The following C10orf90 variants were observed in gnomAD, a reference collection of about 807,000 sequenced individuals.
C10orf90 encodes chromosome 10 open reading frame 90, also known as (E2-independent) E3 ubiquitin-conjugating enzyme FATS.
C10orf90 carries 56 observed loss-of-function variants against 62.5 expected under a neutral mutation model. The ratio of observed to expected loss-of-function variants is 0.90; its 90% CI spans 0.72 to 1.12. The LOEUF (loss-of-function observed/expected upper bound fraction) is 1.12. Among genes scored for constraint, C10orf90 ranks in the 50% most tolerant of loss-of-function variants. The pLI, the probability that C10orf90 is intolerant of heterozygous loss-of-function variation, is 0.00. For synonymous variants in C10orf90, 386 were observed against 340.4 expected (o/e 1.13, Z -1.47); for missense variants, 970 against 880.4 (o/e 1.10, Z -1.29).
At chr10:126,515,536 A>G (rs1863392549) in intron 2 of C10orf90, among the ~76,000 whole-genome samples, 4 of 152,202 alleles carry the variant, frequency 2.6e-5, no homozygotes, top group African/African-American at 9.6e-5. Flanking sequence ...TTTCTAGCCC[A>G]GGAACAATAT....
intron 2 of C10orf90, among the ~76,000 whole-genome samples, chr10:126,582,732 A>G (rs1844779919): frequency 1.3e-5 from 2 of 152,224 alleles, no homozygotes; most frequent in African/African-American, 4.8e-5. Flanking sequence ...TTTTCTAAAC[A>G]TCATAAAAAT....
rs1350048043 is a variant in C10orf90, at chr10:126,484,028, A to G, written c.1535-19042T>C. 2.0e-5 allele frequency among the ~76,000 whole-genome samples: 3 copies of G among 152,174 alleles called. No homozygotes were observed. In the East Asian group the frequency reaches 5.8e-4, roughly 30 times the overall value. On this transcript the variant is annotated intron_variant, in intron 4 of 9. Coordinates refer to ENST00000488181, the MANE Select transcript of C10orf90 (RefSeq NM_001350921.2). The stretch of plus-strand genomic sequence containing the variant: ...TATTCCATAAGCCTGACATTGACTC[A>G]TTTTGCAAATGTCATTGCTGGTAGA...
At chr10:126,535,724 C>T (rs1254940590) in intron 2 of C10orf90, among the ~76,000 whole-genome samples, 3 of 152,128 alleles carry the variant, frequency 2.0e-5, no homozygotes, top group African/African-American at 4.8e-5. Flanking sequence ...CAGGTGACAG[C>T]GAAGAGCTCT....
intron 2 of C10orf90, among the ~76,000 whole-genome samples, chr10:126,636,051 T>C (rs1233045586): frequency 2.0e-5 from 3 of 152,286 alleles, no homozygotes; most frequent in Non-Finnish European, 4.4e-5. Flanking sequence ...GGTCTCCTCA[T>C]GTACCCAAGG....
chr10:126,623,737 A>G (rs932956392), intron 2 of C10orf90, among the ~76,000 whole-genome samples: 1 of 151,210 alleles, frequency 6.6e-6, no homozygotes, highest in East Asian at 2.0e-4. Flanking sequence ...GCTACTCTGG[A>G]GGCTGAGGCA....
intron 7 of C10orf90, among the ~76,000 whole-genome samples, chr10:126,442,481 A>ATATATATATCTATATATATATC (rs1554886165): frequency 6.8e-5 from 4 of 59,164 alleles, no homozygotes; most frequent in African/African-American, 1.8e-4. Flanking sequence ...AATATTTCAT[A>ATATATATATCTATATATATATC]TATATATATA....
chr10:126,467,455 G>T (rs934127194), intron 4 of C10orf90, among the ~76,000 whole-genome samples: 2 of 152,188 alleles, frequency 1.3e-5, no homozygotes, highest in African/African-American at 4.8e-5. Flanking sequence ...TGGGCTGAGA[G>T]TTCTCAGTTC....
At chr10:126,502,003 C>CCACACACA (rs959327463) in intron 4 of C10orf90, among the ~76,000 whole-genome samples, 1 of 146,788 alleles carries the variant, frequency 6.8e-6, no homozygotes, top group Admixed American at 6.8e-5. Context: ...TACACACACA[C>CCACACACA]CACACACACA....
chr10:126,643,760 C>G (rs1195512492), intron 2 of C10orf90, among the ~76,000 whole-genome samples: 1 of 152,186 alleles, frequency 6.6e-6, no homozygotes, highest in Non-Finnish European at 1.5e-5. Flanking sequence ...CAGAGTTTGA[C>G]CTAAAACTCT....
intron 2 of C10orf90, chr10:126,523,482 T>TAA (rs56856994): frequency 0.89 from 135,247 of 152,126 alleles, 60,336 homozygotes; most frequent in African/African-American, 0.96. Context: ...ACTCACAGTC[T>TAA]TGAGGAGATG....
At chr10:126,470,549 G>T (rs780229444) in intron 4 of C10orf90, among the ~76,000 whole-genome samples, 2 of 151,092 alleles carry the variant, frequency 1.3e-5, no homozygotes, top group Non-Finnish European at 2.9e-5. Flanking sequence ...GGGCAATATA[G>T]TAAGACCCTA....
intron 2 of C10orf90, among the ~76,000 whole-genome samples, chr10:126,557,664 G>A (rs1473404706): frequency 6.6e-6 from 1 of 151,962 alleles, no homozygotes; most frequent in Non-Finnish European, 1.5e-5. Flanking sequence ...AAATAATACT[G>A]TACTGTTCAT....
chr10:126,616,979 A>G (rs1324321333), intron 2 of C10orf90, among the ~76,000 whole-genome samples: 2 of 152,164 alleles, frequency 1.3e-5, no homozygotes, highest in Non-Finnish European at 2.9e-5. Flanking sequence ...AGACAACGGG[A>G]GACAAAAATT....
chr10:126,570,130 TC>T (rs1844475817), intron 2 of C10orf90, among the ~76,000 whole-genome samples: 1 of 152,186 alleles, frequency 6.6e-6, no homozygotes, highest in Admixed American at 6.5e-5. Flanking sequence ...CTGATCGTAT[TC>T]TCCCACGTAA....
At chr10:126,596,032 T>A (rs1845077537) in intron 2 of C10orf90, among the ~76,000 whole-genome samples, 1 of 152,000 alleles carries the variant, frequency 6.6e-6, no homozygotes, top group Non-Finnish European at 1.5e-5. Flanking sequence ...GGAGAAAATC[T>A]TTGTACCTTG....
intron 7 of C10orf90, among the ~76,000 whole-genome samples, chr10:126,451,293 G>A (rs1314782588): frequency 6.6e-6 from 1 of 152,062 alleles, no homozygotes; most frequent in Non-Finnish European, 1.5e-5. Context: ...CCTCAAAAAT[G>A]CAAAAATAGA....
chr10:126,514,897 T>C (rs4962564), intron 2 of C10orf90, among the ~76,000 whole-genome samples: 135,241 of 152,176 alleles, frequency 0.89, 60,280 homozygotes, highest in African/African-American at 0.96. Flanking sequence ...CAGGAAGAGG[T>C]CCATTTTCTG....
intron 2 of C10orf90, among the ~76,000 whole-genome samples, chr10:126,579,744 T>C (rs1232081826): frequency 6.6e-6 from 1 of 151,242 alleles, no homozygotes; most frequent in Non-Finnish European, 1.5e-5. Context: ...ATCTCACATA[T>C]GTTTGTAAAG....
intron 2 of C10orf90, among the ~76,000 whole-genome samples, chr10:126,515,714 C>T (rs1863403927): frequency 6.6e-6 from 1 of 152,116 alleles, no homozygotes; most frequent in Non-Finnish European, 1.5e-5. Context: ...AAATAATGTG[C>T]TCTAATATTT....
Sources: gnomAD v4.1 joint callset for allele counts (sites outside exome capture counted in the v4.1 genomes callset) on GRCh38, gnomAD v4.1.1 for gene constraint, MANE v1.5 for transcripts, NCBI Gene and HGNC (gene_info 2026-07-23, HGNC 2026-07-21) for gene names.